TRIOBP: variants seen among roughly 807,000 people sequenced by gnomAD.
The protein encoded by TRIOBP is TRIO and F-actin binding protein.
In TRIOBP, 169 loss-of-function variants were observed where a neutral mutation model predicts 238.8. The observed-to-expected ratio is 0.71, with a 90% CI of 0.62 to 0.80. The LOEUF is 0.80. TRIOBP is among the 30% of genes least tolerant of loss of function. TRIOBP has a pLI of 0.00. For missense variants in TRIOBP, 2,838 were observed against 3,122.6 expected, an observed-to-expected ratio of 0.91 and a Z score of 2.17; for synonymous variants, 1,150 against 1,274.4, an observed-to-expected ratio of 0.90 and a Z score of 2.08.
At chr22:37,751,952 T>C in intron 12 of TRIOBP, 124 bp downstream of exon 12, 1 of 781,470 alleles carries the variant, frequency 1.3e-6, no homozygotes, top group African/African-American at 1.7e-5. Flanking sequence ...CTGGGAGGGG[T>C]GGAGGCTGCC....
chr22:37,710,438 C>T lies in TRIOBP; in HGVS notation c.126C>T (p.Ser42=), dbSNP rs974992894. 3 of 1,613,384 alleles carry T rather than the reference C, an allele frequency of 1.9e-6. No homozygotes were observed. The highest frequency in any genetic ancestry group is 2.5e-6 in the Non-Finnish European group (3 of 1,180,014). Residue 42 remains serine (S), a synonymous_variant, in exon 4 of 24, where the codon AGC becomes AGT. Transcript: ENST00000644935. ...CAACCCTGGCCCAGGAGCTCAGGAG[C>T]CCTTCAGGTGCTGAGGTGCCCTACT... The part of the protein sequence containing the change: ...AHGARYQELR[S]PSGAEVPYCD...
At chr22:37,753,368 G>A (rs531905421) in intron 12 of TRIOBP, among the ~76,000 whole-genome samples, 14 of 152,114 alleles carry the variant, frequency 9.2e-5, no homozygotes, top group African/African-American at 1.7e-4. Flanking sequence ...TCCGCCTCCC[G>A]GGTTCAAGCG....
intron 11 of TRIOBP, chr22:37,751,362 C>T (rs1280926152): frequency 2.1e-5 from 7 of 338,914 alleles, no homozygotes; most frequent in Admixed American, 4.1e-5. Flanking sequence ...ACTTGGTCCT[C>T]GTCAGAGGGA....
intron 10 of TRIOBP, 118 bp from the exon 11 acceptor site, chr22:37,740,777 T>C (rs749190675): frequency 8.2e-5 from 118 of 1,441,694 alleles, no homozygotes; most frequent in Non-Finnish European, 1.1e-4. Flanking sequence ...GAGAGAAAGA[T>C]GGGAACCCTG....
intron 10 of TRIOBP, among the ~76,000 whole-genome samples, chr22:37,739,304 T>C (rs769861469): frequency 6.6e-6 from 1 of 152,096 alleles, no homozygotes; most frequent in Non-Finnish European, 1.5e-5. Context: ...AGATCAGAGT[T>C]GAGGGCCGTG....
chr22:37,704,099 G>C (rs1457931107), intron 3 of TRIOBP, among the ~76,000 whole-genome samples: 1 of 152,110 alleles, frequency 6.6e-6, no homozygotes, highest in Non-Finnish European at 1.5e-5. Flanking sequence ...TGATAAATCA[G>C]AAAGGCACAG....
At chr22:37,748,157 A>G (rs931284940) in intron 11 of TRIOBP, among the ~76,000 whole-genome samples, 1 of 152,222 alleles carries the variant, frequency 6.6e-6, no homozygotes, top group African/African-American at 2.4e-5. Context: ...CAGGGGCAAT[A>G]GAGAGCCATG....
chr22:37,752,726 C>T (rs1166840774), intron 12 of TRIOBP, among the ~76,000 whole-genome samples: 1 of 152,226 alleles, frequency 6.6e-6, no homozygotes, highest in East Asian at 1.9e-4. Flanking sequence ...CGCCAGTGAC[C>T]CCTTCCTGGC....
intron 17 of TRIOBP, chr22:37,759,500 G>C (rs140572991): frequency 1.2e-6 from 2 of 1,605,618 alleles, no homozygotes; most frequent in Admixed American, 3.3e-5. Context: ...AGGTCACCCC[G>C]CCTGCAGGTC....
rs1419453648 is a variant in TRIOBP at position 37,715,868 on chromosome 22, C to T, written c.562C>T (p.Gln188Ter). ...GGAGGGGCCGAGAGCTGACAGCTCC[C>T]AAAGGGCTCCGTCTCTCCTCACCAG... ...PREGPRADSS[Q>*]RAPSLLTRSP... is the part of the protein sequence containing the mutation. Residue 188 changes from glutamine to a stop codon, truncating the protein, a stop_gained, in exon 6 of 24, where the codon CAA becomes TAA. Transcript: ENST00000644935. LOFTEE classifies it high-confidence loss of function. 1 of 1,613,740 alleles carries T rather than the reference C, an allele frequency of 6.2e-7. No individual in the cohort carries two copies. The highest frequency in any genetic ancestry group is 8.5e-7 in the Non-Finnish European group (1 of 1,179,942).
At chr22:37,710,661 T>G in intron 4 of TRIOBP, 95 bp downstream of exon 4, 22 of 1,478,872 alleles carry the variant, frequency 1.5e-5, no homozygotes, top group Non-Finnish European at 2.0e-5. Context: ...CACCTGTCTC[T>G]AATGGCTGCT....
At chr22:37,759,357 T>A in intron 17 of TRIOBP, 93 bp downstream of exon 17, 1 of 1,368,910 alleles carries the variant, frequency 7.3e-7, no homozygotes, top group Non-Finnish European at 1.0e-6. Context: ...GCCCTTCCTG[T>A]GTGTGCTGGA....
intron 4 of TRIOBP, among the ~76,000 whole-genome samples, chr22:37,712,362 C>T (rs5756790): frequency 0.8 from 121,145 of 150,950 alleles, 50,849 homozygotes; most frequent in East Asian, 1. Flanking sequence ...GATAGAGTCT[C>T]GTGCTGTCAC....
chr22:37,737,660 C>CA (rs35569585), intron 9 of TRIOBP, among the ~76,000 whole-genome samples: 35,735 of 92,686 alleles, frequency 0.39, 6,016 homozygotes, highest in African/African-American at 0.45. Context: ...GACTCCATCT[C>CA]AAAAAAAAAA....
chr22:37,767,942 C>T lies in TRIOBP; in HGVS notation c.6473-132C>T. 4 of 762,352 alleles carry T rather than the reference C, an allele frequency of 5.2e-6. No homozygotes were observed. In the East Asian group the frequency reaches 8.1e-5, roughly 15 times the overall value. 47.2% of individuals were successfully genotyped at this position (762,352 alleles called of 1,614,324 possible). The stretch of plus-strand genomic sequence containing the variant: ...TGCATAGCACTCCTTGGTCCAAGTC[C>T]ATAGTACTTGCATAGTACTATGTGG... On this transcript the variant is annotated intron_variant, in intron 18 of 23. Transcript: ENST00000644935.
At chr22:37,709,343 G>A (rs541863710) in intron 3 of TRIOBP, among the ~76,000 whole-genome samples, 177 of 152,318 alleles carry the variant, frequency 1.2e-3, no homozygotes, top group Non-Finnish European at 1.8e-3. Context: ...TGCTGGGATC[G>A]GGTTCCTGCG....
rs760759057 is a variant in TRIOBP, at chr22:37,729,032, CA to C, written c.3947+2530del. Among the ~76,000 whole-genome samples, 455 of 152,292 alleles carry C rather than the reference CA, an allele frequency of 3.0e-3. 2 individuals are homozygous for C. The highest frequency in any genetic ancestry group is 4.4e-3 in the Non-Finnish European group (301 of 68,026). ...CTGGGTTCAAGCAGTTCTCCTGCCT[CA>C]GCCTCCCGAGGAGCTGGGACTACAG... On this transcript the variant is annotated intron_variant, in intron 7 of 23. Coordinates refer to ENST00000644935, the MANE Select transcript of TRIOBP (RefSeq NM_001039141.3).
At chr22:37,707,980 C>T (rs980240685) in intron 3 of TRIOBP, among the ~76,000 whole-genome samples, 5 of 149,316 alleles carry the variant, frequency 3.3e-5, no homozygotes, top group Non-Finnish European at 7.4e-5. Context: ...GGCGTGGTGG[C>T]TCACGGCTGT....
Position 37,772,772 on chromosome 22 carries a change from C to G in TRIOBP, c.*2+8C>G, listed in dbSNP as rs1485985632. 3 of 1,611,854 alleles carry G rather than the reference C, an allele frequency of 1.9e-6. No homozygotes were observed. The highest frequency in any genetic ancestry group is 2.5e-6 in the Non-Finnish European group (3 of 1,179,872). On this transcript the variant is annotated splice_region_variant and intron_variant, in intron 23 of 23. Coordinates refer to ENST00000644935, the MANE Select transcript of TRIOBP (RefSeq NM_001039141.3). Reference sequence around the variant, plus strand: ...CAGCCTGGCTGAGTAGAGGTGGATGCCGAGGCGTGTGCCCTGCAGGGTGGG... The same window carrying G: ...CAGCCTGGCTGAGTAGAGGTGGATGGCGAGGCGTGTGCCCTGCAGGGTGGG...
Sources: gnomAD v4.1 joint callset for allele counts (sites outside exome capture counted in the v4.1 genomes callset) on GRCh38, gnomAD v4.1.1 for gene constraint, MANE v1.5 for transcripts, NCBI Gene and HGNC (gene_info 2026-07-23, HGNC 2026-07-21) for gene names.